The following SKAP1 variants were observed in gnomAD, a reference collection of about 807,000 sequenced individuals.
SKAP1 encodes the protein src kinase associated phosphoprotein 1.
SKAP1 carries 44 observed loss-of-function variants against 58.5 expected under a neutral mutation model. That is an observed-to-expected ratio of 0.75 (90% CI 0.59 to 0.97). The LOEUF is 0.97. Among genes scored for constraint, SKAP1 ranks in the 50% least tolerant of loss-of-function variants. The probability of loss-of-function intolerance (pLI) is 0.00; values close to 1 mark genes in which losing one functional copy is unlikely to be tolerated. For missense variants in SKAP1, 390 were observed against 435.2 expected, an observed-to-expected ratio of 0.90 and a Z score of 0.92; for synonymous variants, 127 against 149.7, an observed-to-expected ratio of 0.85 and a Z score of 1.11.
chr17:48,405,397 C>A (rs1567901971), intron 1 of SKAP1, among the ~76,000 whole-genome samples: 4 of 41,462 alleles, frequency 9.6e-5, no homozygotes, highest in African/African-American at 3.8e-4. Flanking sequence ...TCTTTCCTTT[C>A]TTTCTTTCTT....
At chr17:48,315,848 A>G (rs2066279706) in intron 4 of SKAP1, among the ~76,000 whole-genome samples, 1 of 152,214 alleles carries the variant, frequency 6.6e-6, no homozygotes, top group South Asian at 2.1e-4. Context: ...TAAAGCATAT[A>G]TGAAACATAA....
intron 1 of SKAP1, among the ~76,000 whole-genome samples, chr17:48,416,109 A>C (rs1329588706): frequency 6.6e-6 from 1 of 152,240 alleles, no homozygotes; most frequent in African/African-American, 2.4e-5. Flanking sequence ...AAAATATCTA[A>C]GTGAACATTG....
At chr17:48,443,359 T>A in the SKAP1 span, among the ~76,000 whole-genome samples, 1 of 152,250 alleles carries the variant, frequency 6.6e-6, no homozygotes, top group Non-Finnish European at 1.5e-5. Flanking sequence ...AGGGTTCAGA[T>A]CTTACCTATC....
intron 4 of SKAP1, among the ~76,000 whole-genome samples, chr17:48,257,628 C>CTTTTTTTTTTTTT (rs56225931): frequency 5.2e-4 from 58 of 111,108 alleles, no homozygotes; most frequent in Non-Finnish European, 6.5e-4. Flanking sequence ...TTCTTTCTTT[C>CTTTTTTTTTTTTT]TTTTTTTTTT....
the SKAP1 span, among the ~76,000 whole-genome samples, chr17:48,443,460 C>CTGTT: frequency 0.28 from 41,611 of 149,946 alleles, 5,841 homozygotes; most frequent in South Asian, 0.35. Flanking sequence ...CAAGGTAAGT[C>CTGTT]TGTTTGTTTG....
intron 4 of SKAP1, among the ~76,000 whole-genome samples, chr17:48,231,178 C>G (rs961020431): frequency 6.6e-6 from 1 of 152,138 alleles, no homozygotes; most frequent in African/African-American, 2.4e-5. Flanking sequence ...ACCTCTAGAG[C>G]CTTGCCCCTG....
At chr17:48,287,134 T>TAAATAAATAAAA (rs984297303) in intron 4 of SKAP1, among the ~76,000 whole-genome samples, 4 of 146,372 alleles carry the variant, frequency 2.7e-5, no homozygotes, top group African/African-American at 1.0e-4. Context: ...AATAAATAAA[T>TAAATAAATAAAA]AAAATAAAAA....
intron 9 of SKAP1, 67 bp from the exon 10 acceptor site, chr17:48,170,726 T>TC (rs375606561): frequency 2.0e-3 from 2,532 of 1,288,596 alleles, no homozygotes; most frequent in African/African-American, 3.8e-3. Flanking sequence ...TTTTTTTTTT[T>TC]CGAGATAGAG....
intron 7 of SKAP1, 59 bp from the exon 8 acceptor site, chr17:48,182,516 C>A: frequency 8.0e-7 from 1 of 1,251,150 alleles, no homozygotes; most frequent in South Asian, 1.3e-5. Context: ...TGAATCTTGA[C>A]AGGGATGTCC....
At chr17:48,388,052 G>C (rs1272398812) in intron 2 of SKAP1, among the ~76,000 whole-genome samples, 1 of 152,122 alleles carries the variant, frequency 6.6e-6, no homozygotes, top group African/African-American at 2.4e-5. Context: ...TATCCCATAT[G>C]GAGGCAGTCT....
chr17:48,386,715 A>T (rs2067281520), intron 2 of SKAP1, among the ~76,000 whole-genome samples: 1 of 152,152 alleles, frequency 6.6e-6, no homozygotes, highest in Non-Finnish European at 1.5e-5. Flanking sequence ...AATTAAAACA[A>T]GTTAGGGGAT....
At chr17:48,249,464 G>A (rs2065336180) in intron 4 of SKAP1, among the ~76,000 whole-genome samples, 1 of 152,146 alleles carries the variant, frequency 6.6e-6, no homozygotes, top group South Asian at 2.1e-4. Flanking sequence ...CTTGAGCCTA[G>A]GAGTTTGAGA....
intron 4 of SKAP1, among the ~76,000 whole-genome samples, chr17:48,257,624 CTTTCTTTT>C (rs2065438039): frequency 9.2e-6 from 1 of 108,604 alleles, no homozygotes; most frequent in African/African-American, 3.6e-5. Context: ...TTTTTTCTTT[CTTTCTTTT>C]TTTTTTTTTT....
chr17:48,237,065 A>C (rs971623850), intron 4 of SKAP1, among the ~76,000 whole-genome samples: 1 of 152,228 alleles, frequency 6.6e-6, no homozygotes, highest in African/African-American at 2.4e-5. Context: ...TAGGTCATGA[A>C]GTTGGATTTG....
chr17:48,214,326 A>T (rs1324271024), intron 4 of SKAP1, among the ~76,000 whole-genome samples: 1 of 152,218 alleles, frequency 6.6e-6, no homozygotes, highest in Non-Finnish European at 1.5e-5. Flanking sequence ...GATTCTGAAT[A>T]TTCACTAGAA....
At chr17:48,386,618 G>A (rs933869000) in intron 2 of SKAP1, among the ~76,000 whole-genome samples, 1 of 152,094 alleles carries the variant, frequency 6.6e-6, no homozygotes, top group Non-Finnish European at 1.5e-5. Flanking sequence ...GCAATTTATT[G>A]TCTGATCTTT....
upstream of SKAP1, among the ~76,000 whole-genome samples, chr17:48,430,634 C>T (rs1001767945): frequency 6.6e-6 from 1 of 152,180 alleles, no homozygotes; most frequent in African/African-American, 2.4e-5. Context: ...TCTCCATCCC[C>T]AGAAAAGAGG....
chr17:48,148,057 G>A (rs903031620), intron 11 of SKAP1, among the ~76,000 whole-genome samples: 3 of 152,070 alleles, frequency 2.0e-5, no homozygotes, highest in Admixed American at 6.6e-5. Flanking sequence ...CTAGATGGAG[G>A]GTCTCAGAGC....
At chr17:48,167,118 C>T (rs148845066) in intron 10 of SKAP1, among the ~76,000 whole-genome samples, 281 of 152,222 alleles carry the variant, frequency 1.8e-3, no homozygotes, top group African/African-American at 6.4e-3. Flanking sequence ...CTCCCATCTT[C>T]GCCTCCCAAA....
Sources: gnomAD v4.1 joint callset for allele counts (sites outside exome capture counted in the v4.1 genomes callset) on GRCh38, gnomAD v4.1.1 for gene constraint, MANE v1.5 for transcripts, NCBI Gene and HGNC (gene_info 2026-07-23, HGNC 2026-07-21) for gene names.